The following PRH1 variants were observed in gnomAD, a reference collection of about 807,000 sequenced individuals.
PRH1 encodes salivary acidic proline-rich phosphoprotein 1/2.
A neutral mutation model predicts 7.9 loss-of-function variants in PRH1; 7 were observed. The ratio of observed to expected loss-of-function variants is 0.89; its 90% CI spans 0.50 to 1.67. The LOEUF is 1.67. Among genes scored for constraint, PRH1 ranks in the 40% most tolerant of loss-of-function variants. The probability of loss-of-function intolerance (pLI) is 0.00; values close to 1 mark genes in which losing one functional copy is unlikely to be tolerated. For missense variants in PRH1, 109 were observed against 223.6 expected, an observed-to-expected ratio of 0.49 and a Z score of 3.27; for synonymous variants, 45 against 80.8, an observed-to-expected ratio of 0.56 and a Z score of 2.38.
chr12:10,971,800 C>G lies in PRH1; in HGVS notation c.-59+1855G>C, dbSNP rs550913291. 5.9e-5 allele frequency among the ~76,000 whole-genome samples: 9 copies of G among 151,992 alleles called. 1 individual carries two copies. The South Asian group carries it at 1.9e-3, about 32-fold the overall frequency. ...TTATTAAACTTAACATTTTATAATT[C>G]TTTTTCTATTCAATTTTAAAACGTA... On this transcript the variant is annotated intron_variant, in intron 2 of 3. Coordinates refer to the PRH1 transcript ENST00000539853.
chr12:10,908,827 G>A (rs1434154331), intron 2 of PRH1: 5 of 1,613,502 alleles, frequency 3.1e-6, no homozygotes, highest in Admixed American at 1.7e-5. Flanking sequence ...CTTTCATATC[G>A]GTCCAGCCAG....
intron 2 of PRH1, among the ~76,000 whole-genome samples, chr12:10,918,349 C>A: frequency 6.6e-6 from 1 of 152,020 alleles, no homozygotes; most frequent in South Asian, 2.1e-4. Flanking sequence ...ACCTGCATAT[C>A]CTGCACATGT....
chr12:10,923,438 T>C (rs1178040492), intron 2 of PRH1, among the ~76,000 whole-genome samples: 2 of 152,218 alleles, frequency 1.3e-5, no homozygotes, highest in African/African-American at 2.4e-5. Flanking sequence ...CTTCGATGAA[T>C]TGTTTTATTC....
intron 1 of PRH1, among the ~76,000 whole-genome samples, chr12:11,019,739 T>C (rs1446394791): frequency 6.6e-6 from 1 of 152,270 alleles, no homozygotes. Flanking sequence ...TTATTTTTAC[T>C]TCTTTTGAGT....
chr12:11,083,565 A>T (rs1944567306), intron 1 of PRH1, among the ~76,000 whole-genome samples: 1 of 70,616 alleles, frequency 1.4e-5, no homozygotes, highest in East Asian at 4.9e-4. Context: ...TAAGGTCTAA[A>T]TGTACAGTAA....
intron 1 of PRH1, among the ~76,000 whole-genome samples, chr12:10,999,309 T>C (rs1053170778): frequency 6.6e-6 from 1 of 152,100 alleles, no homozygotes; most frequent in Non-Finnish European, 1.5e-5. Context: ...GGTGAATATC[T>C]AAAACTAGAA....
chr12:11,025,287 AATTTT>A (rs1054211096), intron 1 of PRH1, among the ~76,000 whole-genome samples: 1 of 127,074 alleles, frequency 7.9e-6, no homozygotes, highest in African/African-American at 2.7e-5. Context: ...TATTTTCAGT[AATTTT>A]ATTTTATCTG....
chr12:10,961,601 C>G (rs1938237610), intron 2 of PRH1, among the ~76,000 whole-genome samples: 1 of 152,174 alleles, frequency 6.6e-6, no homozygotes, highest in South Asian at 2.1e-4. Context: ...TCTAGGCCAG[C>G]ACCTTGCCTG....
At chr12:10,898,815 C>G (rs1490202029) in intron 2 of PRH1, among the ~76,000 whole-genome samples, 4 of 152,162 alleles carry the variant, frequency 2.6e-5, no homozygotes, top group Admixed American at 1.3e-4. Flanking sequence ...AAAGTACATT[C>G]CAGACACACG....
chr12:11,060,478 A>G (rs115639513), intron 1 of PRH1, among the ~76,000 whole-genome samples: 4,119 of 152,138 alleles, frequency 0.027, 127 homozygotes, highest in African/African-American at 0.068. Context: ...TCAGGGGCTT[A>G]AAAGTGCTTT....
intron 2 of PRH1, among the ~76,000 whole-genome samples, chr12:10,966,421 T>A (rs10845252): frequency 3.9e-5 from 6 of 152,048 alleles, no homozygotes; most frequent in Non-Finnish European, 7.4e-5. Flanking sequence ...GGTTTCCACA[T>A]TGGAGTTTCT....
At position 11,004,923 on chromosome 12, in the gene PRH1, C is replaced by T. The variant is rs1249683726; in HGVS notation, c.-125-31202G>A. 2.0e-5 allele frequency among the ~76,000 whole-genome samples: 3 copies of T among 152,086 alleles called. No homozygotes were observed. The East Asian group carries it at 5.8e-4, about 29-fold the overall frequency. ...AATAATAGCTGTCCATGGTAAAACACAAATTCTACCATTACCAGTATGGAA... is the reference window on the plus strand; with the variant it reads ...AATAATAGCTGTCCATGGTAAAACATAAATTCTACCATTACCAGTATGGAA... On this transcript the variant is annotated intron_variant, in intron 1 of 3. Coordinates refer to the PRH1 transcript ENST00000539853.
chr12:11,076,646 A>T (rs1944304120), intron 1 of PRH1: 1 of 117,448 alleles, frequency 8.5e-6, no homozygotes, highest in Admixed American at 8.5e-5. Flanking sequence ...TGAAAGGATC[A>T]TGATCATGTT....
Position 11,040,873 on chromosome 12 carries a change from GTTATTAGC to G in PRH1, c.-126+6139_-126+6146del, listed in dbSNP as rs1340314081. Among the ~76,000 whole-genome samples the G allele has an allele frequency of 4.6e-5, 7 of 152,208 alleles. No homozygotes were observed. The South Asian group carries it at 1.5e-3, about 32-fold the overall frequency. On this transcript the variant is annotated intron_variant, in intron 1 of 3. Transcript: ENST00000539853. ...TTGCTTATGTAAACAGTACTAAGTGGTTATTAGCTTGAAATGATGGGTTAGAAGATAGC... is the reference window on the plus strand; with the variant it reads ...TTGCTTATGTAAACAGTACTAAGTGGTTGAAATGATGGGTTAGAAGATAGC...
chr12:11,066,064 A>C (rs1196740297), intron 1 of PRH1, among the ~76,000 whole-genome samples: 2 of 152,334 alleles, frequency 1.3e-5, no homozygotes, highest in East Asian at 3.9e-4. Context: ...TTCTTCATTT[A>C]TAACAATCTT....
At chr12:10,908,568 A>G (rs1471414534) in intron 2 of PRH1, 1 of 1,614,010 alleles carries the variant, frequency 6.2e-7, no homozygotes, top group Non-Finnish European at 8.5e-7. Context: ...ACATAGAAAG[A>G]AACTAGCATA....
At chr12:11,072,593 G>A (rs1349781251) in intron 1 of PRH1, among the ~76,000 whole-genome samples, 23 of 152,218 alleles carry the variant, frequency 1.5e-4, no homozygotes, top group Non-Finnish European at 2.8e-4. Flanking sequence ...AGTTACAGGG[G>A]ATGGTAGTCT....
At chr12:11,023,693 C>T (rs2136079353) in intron 1 of PRH1, among the ~76,000 whole-genome samples, 1 of 152,302 alleles carries the variant, frequency 6.6e-6, no homozygotes, top group East Asian at 1.9e-4. Context: ...CTGGCTAGCA[C>T]ACTGTTCCCA....
chr12:11,098,839 G>C (rs749163864), intron 1 of PRH1, among the ~76,000 whole-genome samples: 6 of 152,094 alleles, frequency 3.9e-5, no homozygotes, highest in Non-Finnish European at 7.4e-5. Context: ...ATACACGCAT[G>C]TGCACACCAC....
Sources: allele counts gnomAD v4.1 joint callset (sites outside exome capture counted in the v4.1 genomes callset), GRCh38; gene constraint gnomAD v4.1.1; transcripts MANE v1.5; gene names NCBI Gene and HGNC (gene_info 2026-07-23, HGNC 2026-07-21).